POGLUT3: variants seen among roughly 807,000 people sequenced by gnomAD.
The protein encoded by POGLUT3 is protein O-glucosyltransferase 3.
A neutral mutation model predicts 54.3 loss-of-function variants in POGLUT3; 48 were observed. The ratio of observed to expected loss-of-function variants is 0.88; its 90% CI spans 0.70 to 1.12. POGLUT3 has a LOEUF of 1.12. Ranked by LOEUF, POGLUT3 falls within the 50% of genes most tolerant of loss-of-function variation. The probability of loss-of-function intolerance (pLI) is 0.00; values close to 1 mark genes in which losing one functional copy is unlikely to be tolerated. For synonymous variants in POGLUT3, 218 were observed against 237.4 expected (o/e 0.92, Z 0.75); for missense variants, 629 against 618.7 (o/e 1.02, Z -0.18).
rs1261131083 is a variant in POGLUT3 at position 108,474,084 on chromosome 11, A to G, written c.*743T>C. 1 of 152,190 alleles carries G rather than the reference A, an allele frequency of 6.6e-6. No individual in the cohort carries two copies. Among genetic ancestry groups the G allele is most frequent in the African/African-American group, 2.4e-5 (1 of 41,434 alleles). The allele number at this position is 152,190 out of a possible 1,614,324, so 9.4% of individuals were successfully genotyped here. A position where few individuals can be genotyped will look rare whatever the true frequency, so the allele number is the denominator to read the frequency against. ...GGGGGGCGGGGGGACAACCCTGAAC[A>G]AATATTTTCTCTTCATAATTGGAAG... On this transcript the variant is annotated 3_prime_UTR_variant, in exon 8 of 8. Coordinates refer to ENST00000323468, the MANE Select transcript of POGLUT3 (RefSeq NM_153705.5).
intron 1 of POGLUT3, among the ~76,000 whole-genome samples, chr11:108,495,714 A>C (rs1192840962): frequency 6.6e-6 from 1 of 152,098 alleles, no homozygotes; most frequent in African/African-American, 2.4e-5. Flanking sequence ...GCTGGAGTGC[A>C]GTGGCACAAT....
At chr11:108,494,895 G>T (rs2093619410) in intron 1 of POGLUT3, among the ~76,000 whole-genome samples, 2 of 152,212 alleles carry the variant, frequency 1.3e-5, no homozygotes, top group South Asian at 2.1e-4. Flanking sequence ...GTATCAACAG[G>T]TACTGCCTAC....
At chr11:108,496,731 G>A (rs887816282) in intron 1 of POGLUT3, among the ~76,000 whole-genome samples, 1 of 152,166 alleles carries the variant, frequency 6.6e-6, no homozygotes, top group Non-Finnish European at 1.5e-5. Flanking sequence ...TAGAAAACAA[G>A]CCACTGAGGT....
intron 3 of POGLUT3, among the ~76,000 whole-genome samples, chr11:108,482,917 C>T (rs1244142072): frequency 6.6e-6 from 1 of 152,098 alleles, no homozygotes; most frequent in Admixed American, 6.5e-5. Context: ...CCCATCTTTG[C>T]CTCATGTGCC....
chr11:108,476,960 GT>G (rs1015428878), intron 7 of POGLUT3, among the ~76,000 whole-genome samples: 15 of 152,090 alleles, frequency 9.9e-5, no homozygotes, highest in African/African-American at 3.4e-4. Context: ...AAGAAAAAAT[GT>G]TTTTCTCTGA....
rs1043730458 is a variant in POGLUT3, at chr11:108,474,675, C to T, written c.*152G>A. 8.9e-6 allele frequency: 6 copies of T among 672,722 alleles called. No homozygotes were observed. Among genetic ancestry groups the T allele is most frequent in the Non-Finnish European group, 1.4e-5 (6 of 425,732 alleles). The allele number at this position is 672,722 out of a possible 1,614,324, so 41.7% of individuals were successfully genotyped here. A position where few individuals can be genotyped will look rare whatever the true frequency, so the allele number is the denominator to read the frequency against. On this transcript the variant is annotated 3_prime_UTR_variant, in exon 8 of 8. Transcript: ENST00000323468. ...TCCTAAGCATTTCAGATGAGGGATA[C>T]TCAACCAGTACTGCTATATCCATCT...
rs193248808 is a variant in POGLUT3, at chr11:108,475,205, A to T, written c.1399-253T>A. ...ATGTGTTGGTTGGAAGCCTCTACAA[A>T]AGGGATGCCAAGCCAGACGTCCCTA... On this transcript the variant is annotated intron_variant, in intron 7 of 7. Coordinates refer to ENST00000323468, the MANE Select transcript of POGLUT3 (RefSeq NM_153705.5). Among the ~76,000 whole-genome samples the T allele has an allele frequency of 4.6e-3, 696 of 152,236 alleles. 2 individuals are homozygous for T. The highest frequency in any genetic ancestry group is 0.016 in the African/African-American group (658 of 41,556).
chr11:108,487,758 T>C (rs4753837), intron 2 of POGLUT3, among the ~76,000 whole-genome samples: 150,951 of 151,924 alleles, frequency 0.99, 75,002 homozygotes, highest in Middle Eastern at 1. Context: ...ATTACAGGTG[T>C]GCACCACCAT....
chr11:108,485,151 A>C (rs543023391), intron 3 of POGLUT3, among the ~76,000 whole-genome samples: 16 of 152,276 alleles, frequency 1.1e-4, no homozygotes, highest in Admixed American at 4.6e-4. Context: ...TGGTGAAAAA[A>C]AAAACAACCT....
At chr11:108,484,724 C>T (rs2093599531) in intron 3 of POGLUT3, among the ~76,000 whole-genome samples, 1 of 152,136 alleles carries the variant, frequency 6.6e-6, no homozygotes, top group South Asian at 2.1e-4. Flanking sequence ...CCACTGCACT[C>T]CAGCCAGGGT....
chr11:108,491,380 G>A (rs1286046842), intron 1 of POGLUT3: 18 of 601,592 alleles, frequency 3.0e-5, no homozygotes, highest in Non-Finnish European at 5.2e-5. Flanking sequence ...TTTGAGACAG[G>A]GTCTTGCTCT....
At chr11:108,485,391 C>A (rs895016946) in intron 3 of POGLUT3, among the ~76,000 whole-genome samples, 3 of 152,154 alleles carry the variant, frequency 2.0e-5, no homozygotes, top group African/African-American at 2.4e-5. Context: ...AGGATCAAGG[C>A]TGAGGCAGGA....
In POGLUT3 at chr11:108,491,025, C is replaced by T; in HGVS notation, c.345G>A (p.Lys115=). 6.2e-7 allele frequency: 1 copy of T among 1,614,102 alleles called. No individual in the cohort carries two copies. Among genetic ancestry groups the T allele is most frequent in the South Asian group, 1.1e-5 (1 of 91,084 alleles). Residue 115 remains lysine (K), a synonymous_variant, in exon 2 of 8, where the codon AAG becomes AAA. Coordinates refer to ENST00000323468, the MANE Select transcript of POGLUT3 (RefSeq NM_153705.5). ...RMYETVDEGL[K]IEVLYGDEHV... Reference sequence around the variant, plus strand: ...GTTCATCACCATAAAGGACCTCTATCTTCAGGCCTTCATCGACAGTTTCAT... The same window carrying T: ...GTTCATCACCATAAAGGACCTCTATTTTCAGGCCTTCATCGACAGTTTCAT...
rs2093572336 is a variant in POGLUT3, at chr11:108,472,860, T to A, written c.*1967A>T. On this transcript the variant is annotated 3_prime_UTR_variant, in exon 8 of 8. Transcript: ENST00000323468. ...CTCTTATTTAATACTTGCGTGCTTG[T>A]GGTTTTGCACAATGGATGGGTATTA... The A allele has an allele frequency of 6.6e-6, 1 of 152,198 alleles. No homozygotes were observed. The highest frequency in any genetic ancestry group is 1.5e-5 in the Non-Finnish European group (1 of 68,038). 9.4% of individuals were successfully genotyped at this position (152,198 alleles called of 1,614,324 possible). A position where few individuals can be genotyped will look rare whatever the true frequency, so the allele number is the denominator to read the frequency against.
intron 3 of POGLUT3, among the ~76,000 whole-genome samples, chr11:108,485,491 TTC>T (rs1210264125): frequency 4.6e-5 from 7 of 152,036 alleles, no homozygotes; most frequent in African/African-American, 1.7e-4. Flanking sequence ...AATGAGACTG[TTC>T]TGTTTGGATA....
rs774250918 is a variant in POGLUT3, at chr11:108,473,790, A to G, written c.*1037T>C. ...TACCTTCATCTATGTTAATAACTGT[A>G]TTGTCTTTGATGGGTATACAACTCA... On this transcript the variant is annotated 3_prime_UTR_variant, in exon 8 of 8. Coordinates refer to ENST00000323468, the MANE Select transcript of POGLUT3 (RefSeq NM_153705.5). 1 of 152,184 alleles carries G rather than the reference A, an allele frequency of 6.6e-6. No homozygotes were observed. Among genetic ancestry groups the G allele is most frequent in the Non-Finnish European group, 1.5e-5 (1 of 68,024 alleles). The allele number at this position is 152,184 out of a possible 1,614,324, so 9.4% of individuals were successfully genotyped here.
At chr11:108,482,277 T>C in intron 3 of POGLUT3, 55 bp from the exon 4 acceptor site, 6 of 1,261,080 alleles carry the variant, frequency 4.8e-6, no homozygotes, top group Non-Finnish European at 6.8e-6. Context: ...TCTTTGGTAC[T>C]AAGTACAACA....
intron 7 of POGLUT3, among the ~76,000 whole-genome samples, chr11:108,475,600 T>G (rs933890341): frequency 6.6e-6 from 1 of 151,686 alleles, no homozygotes; most frequent in African/African-American, 2.4e-5. Flanking sequence ...CCTAAGTAGC[T>G]GGGACTACAG....
chr11:108,481,960 C>A, intron 4 of POGLUT3, 46 bp downstream of exon 4: 1 of 1,465,676 alleles, frequency 6.8e-7, no homozygotes, highest in Non-Finnish European at 9.5e-7. Context: ...CCCACTCTGT[C>A]TCTAAGCTTT....
Sources: allele counts gnomAD v4.1 joint callset (sites outside exome capture counted in the v4.1 genomes callset), GRCh38; gene constraint gnomAD v4.1.1; transcripts MANE v1.5; gene names NCBI Gene and HGNC (gene_info 2026-07-23, HGNC 2026-07-21).